MPP4: variants seen among roughly 807,000 people sequenced by gnomAD.
MPP4 encodes MAGUK p55 subfamily member 4.
MPP4 carries 91 observed loss-of-function variants against 98.3 expected under a neutral mutation model. The observed-to-expected ratio is 0.93, with a 90% CI of 0.78 to 1.10. The LOEUF is 1.10. Among genes scored for constraint, MPP4 ranks in the 50% least tolerant of loss-of-function variants. The probability of loss-of-function intolerance (pLI) is 0.00; values close to 1 mark genes in which losing one functional copy is unlikely to be tolerated. For missense variants in MPP4, 744 were observed against 792.9 expected (o/e 0.94, Z 0.74); for synonymous variants, 261 against 271.8 (o/e 0.96, Z 0.39).
At chr2:201,663,309 T>C (rs754267008) in intron 14 of MPP4, among the ~76,000 whole-genome samples, 1 of 152,194 alleles carries the variant, frequency 6.6e-6, no homozygotes, top group Non-Finnish European at 1.5e-5. Flanking sequence ...CCGCAATCAA[T>C]GTGACAATAA....
Position 201,656,261 on chromosome 2 carries a change from A to G in MPP4, c.1237T>C (p.Tyr413His). ...GSCYSAVGAP[Y>H]EEVVRYQRRP... ...CGCTGGTACCTCACCACCTCCTCGT[A>G]AGGGGCACCCACTGCACTGTAGCAG... is the stretch of plus-strand genomic sequence containing the variant. Residue 413 changes from tyrosine to histidine, a missense_variant, in exon 17 of 22, where the codon TAC becomes CAC. By Grantham distance (83) the Tyr-to-His change is moderately conservative. Transcript: ENST00000409474. 1 of 1,599,900 alleles carries G rather than the reference A, an allele frequency of 6.3e-7. No individual in the cohort carries two copies. Among genetic ancestry groups the G allele is most frequent in the East Asian group, 2.3e-5 (1 of 44,390 alleles).
intron 2 of MPP4, among the ~76,000 whole-genome samples, chr2:201,693,665 A>T (rs1689101229): frequency 6.6e-6 from 1 of 152,208 alleles, no homozygotes; most frequent in African/African-American, 2.4e-5. Flanking sequence ...AGGGAAAAAA[A>T]GGTTTTGAAT....
intron 3 of MPP4, among the ~76,000 whole-genome samples, chr2:201,692,328 G>A (rs1391822704): frequency 1.3e-5 from 2 of 152,142 alleles, no homozygotes; most frequent in African/African-American, 4.8e-5. Context: ...CGGATCACCT[G>A]AGGTCAGGAG....
chr2:201,670,239 T>C (rs1274449494), intron 11 of MPP4, among the ~76,000 whole-genome samples: 2 of 152,210 alleles, frequency 1.3e-5, no homozygotes, highest in Admixed American at 1.3e-4. Flanking sequence ...TTAATAAAAT[T>C]GCCCTATATC....
intron 12 of MPP4, 121 bp downstream of exon 12, chr2:201,669,612 A>C: frequency 2.4e-6 from 1 of 416,854 alleles, no homozygotes. Context: ...CTATCACACT[A>C]CTAGGTATAT....
At chr2:201,689,093 C>A (rs945809977) in intron 4 of MPP4, among the ~76,000 whole-genome samples, 14 of 152,006 alleles carry the variant, frequency 9.2e-5, no homozygotes, top group Non-Finnish European at 2.1e-4. Flanking sequence ...TTTGGGAGGC[C>A]AAGGTGGGCA....
intron 10 of MPP4, among the ~76,000 whole-genome samples, chr2:201,678,056 T>C (rs1191424652): frequency 6.6e-6 from 1 of 152,176 alleles, no homozygotes. Flanking sequence ...ACTCTGCTAT[T>C]GACATATTGC....
intron 14 of MPP4, among the ~76,000 whole-genome samples, chr2:201,663,510 G>A (rs1688082184): frequency 6.6e-6 from 1 of 152,186 alleles, no homozygotes. Context: ...GAGGCCTGGA[G>A]TTGGAGACAA....
intron 1 of MPP4, among the ~76,000 whole-genome samples, chr2:201,696,573 T>G (rs967839431): frequency 1.3e-5 from 2 of 152,218 alleles, no homozygotes; most frequent in African/African-American, 4.8e-5. Context: ...TTCTGCCATA[T>G]TTAATGCCCG....
chr2:201,673,998 T>C (rs1688424623), intron 11 of MPP4, among the ~76,000 whole-genome samples: 1 of 152,200 alleles, frequency 6.6e-6, no homozygotes. Context: ...ACAGCACCTT[T>C]AATCAAGCAT....
intron 7 of MPP4, among the ~76,000 whole-genome samples, chr2:201,684,855 C>G (rs1044005371): frequency 6.7e-6 from 1 of 148,580 alleles, no homozygotes. Context: ...GAGGCTGAGG[C>G]AGGAGAATGG....
chr2:201,681,826 C>T (rs1453756007), intron 8 of MPP4, among the ~76,000 whole-genome samples: 3 of 151,124 alleles, frequency 2.0e-5, no homozygotes, highest in Non-Finnish European at 4.4e-5. Flanking sequence ...AGGGACCCCC[C>T]CCCACCCTAC....
chr2:201,657,590 G>GTTTTTTTTGTTTTTTTTTT (rs1687884945), intron 16 of MPP4, among the ~76,000 whole-genome samples: 8 of 91,124 alleles, frequency 8.8e-5, no homozygotes, highest in Non-Finnish European at 1.1e-4. Flanking sequence ...CCTGGCCCTT[G>GTTTTTTTTGTTTTTTTTTT]TTTTTTTTTT....
intron 14 of MPP4, among the ~76,000 whole-genome samples, chr2:201,661,220 C>CTTT (rs11400020): frequency 7.1e-6 from 1 of 140,708 alleles, no homozygotes; most frequent in Non-Finnish European, 1.5e-5. Flanking sequence ...CATATCCAGC[C>CTTT]TTTTTTTTTT....
chr2:201,690,102 A>G (rs1363618111), intron 4 of MPP4, 100 bp downstream of exon 4: 16 of 702,876 alleles, frequency 2.3e-5, no homozygotes, highest in Non-Finnish European at 3.4e-5. Context: ...AGTCATCAAT[A>G]AAACTTTTCC....
At position 201,685,919 on chromosome 2, in the gene MPP4, C is replaced by A; in HGVS notation, c.492G>T (p.Leu164=). 6.2e-7 allele frequency: 1 copy of A among 1,610,450 alleles called. No individual in the cohort carries two copies. The highest frequency in any genetic ancestry group is 1.1e-5 in the South Asian group (1 of 90,942). Residue 164 remains leucine (L), a splice_region_variant and synonymous_variant, in exon 6 of 22, where the codon CTG becomes CTT. Coordinates refer to ENST00000409474, the MANE Select transcript of MPP4 (RefSeq NM_033066.3). ...IVCLVKNQQP[L]GATIKRHEMT... ...GAAAGATAAAAAATGATTTCCTTACCAGGGGCTGTTGGTTTTTCACTAAAC... is the reference window on the plus strand; with the variant it reads ...GAAAGATAAAAAATGATTTCCTTACAAGGGGCTGTTGGTTTTTCACTAAAC...
rs1428413206 is a variant in MPP4 at position 201,698,620 on chromosome 2, C to T, written c.-134G>A. On this transcript the variant is annotated 5_prime_UTR_variant, in exon 1 of 22. Transcript: ENST00000409474. ...CTGTAAACATGCATGTTGCTCCTAT[C>T]CAGACAAAAGCTTTAGTAGGATACT... 7.7e-7 allele frequency: 1 copy of T among 1,303,368 alleles called. No homozygotes were observed. The highest frequency in any genetic ancestry group is 1.0e-6 in the Non-Finnish European group (1 of 988,656). The allele number at this position is 1,303,368 out of a possible 1,614,324, so 80.7% of individuals were successfully genotyped here.
chr2:201,677,309 C>T (rs1247906946), intron 10 of MPP4, among the ~76,000 whole-genome samples: 1 of 152,220 alleles, frequency 6.6e-6, no homozygotes, highest in Admixed American at 6.5e-5. Flanking sequence ...GGGCCTCTCA[C>T]TGGAAAGTCA....
At chr2:201,681,833 C>A (rs141281899) in intron 8 of MPP4, among the ~76,000 whole-genome samples, 1 of 151,406 alleles carries the variant, frequency 6.6e-6, no homozygotes, top group East Asian at 1.9e-4. Flanking sequence ...CCCCCCCACC[C>A]TACACTGAAA....
Sources: allele counts gnomAD v4.1 joint callset (sites outside exome capture counted in the v4.1 genomes callset), GRCh38; gene constraint gnomAD v4.1.1; transcripts MANE v1.5; gene names NCBI Gene and HGNC (gene_info 2026-07-23, HGNC 2026-07-21).